Variants in SLC25A21 observed in about 807,000 individuals in gnomAD.
The protein encoded by SLC25A21 is mitochondrial 2-oxodicarboxylate carrier.
A neutral mutation model predicts 43.8 loss-of-function variants in SLC25A21; 47 were observed. That is an observed-to-expected ratio of 1.07 (90% CI 0.85 to 1.37). The LOEUF (loss-of-function observed/expected upper bound fraction) is 1.37. Ranked by LOEUF, SLC25A21 falls within the 40% of genes most tolerant of loss-of-function variation. The probability of loss-of-function intolerance (pLI) is 0.00; values close to 1 mark genes in which losing one functional copy is unlikely to be tolerated. For missense variants in SLC25A21, 352 were observed against 350.2 expected (o/e 1.00, Z -0.04); for synonymous variants, 131 against 121.3 (o/e 1.08, Z -0.52).
chr14:36,821,570 A>C (rs1052367458), intron 2 of SLC25A21, among the ~76,000 whole-genome samples: 5 of 152,142 alleles, frequency 3.3e-5, no homozygotes, highest in African/African-American at 1.2e-4. Context: ...TAATCCCACC[A>C]CTTTGGGAGG....
Position 36,734,558 on chromosome 14 carries a change from G to T in SLC25A21, c.219C>A (p.Tyr73Ter). 1 of 1,605,836 alleles carries T rather than the reference G, an allele frequency of 6.2e-7. No individual in the cohort carries two copies. Among genetic ancestry groups the T allele is most frequent in the Non-Finnish European group, 8.5e-7 (1 of 1,175,574 alleles). The change falls in exon 4 of 10, where the codon TAC (tyrosine) becomes TAA (stop). Residue 73 changes from tyrosine (Y) to a stop codon, truncating the protein, a stop_gained. Coordinates refer to ENST00000331299, the MANE Select transcript of SLC25A21 (RefSeq NM_030631.4). LOFTEE classifies it high-confidence loss of function. ...IFQMEGLFGF[Y>*]KGILPPILAE... ...CCAAGATAGGTGGCAGAATTCCCTT[G>T]TAAAAACCAAATAACCTGTTGGAGA...
chr14:36,904,155 T>C (rs1385652415), intron 1 of SLC25A21, among the ~76,000 whole-genome samples: 2 of 152,184 alleles, frequency 1.3e-5, no homozygotes, highest in Non-Finnish European at 2.9e-5. Flanking sequence ...GTGATGCGAT[T>C]GAGGGGGACG....
intron 1 of SLC25A21, among the ~76,000 whole-genome samples, chr14:36,998,432 G>A (rs914018363): frequency 1.3e-5 from 2 of 152,138 alleles, no homozygotes; most frequent in African/African-American, 4.8e-5. Flanking sequence ...GAATCATGAG[G>A]AATCATGACA....
rs146515420 is a variant in SLC25A21 at position 36,950,240 on chromosome 14, A to G, written c.71-75236T>C. Among the ~76,000 whole-genome samples, 105 of 152,302 alleles carry G rather than the reference A, an allele frequency of 6.9e-4. No homozygotes were observed. In the East Asian group the frequency reaches 0.015, roughly 22 times the overall value. ...ATTTTGTTCATTATTTATCCAATAA[A>G]CTTTGATTAGCTTGTTATGGATTGA... is the stretch of plus-strand genomic sequence containing the variant. On this transcript the variant is annotated intron_variant, in intron 1 of 9. Transcript: ENST00000331299.
chr14:36,903,256 T>C (rs1025874360), intron 1 of SLC25A21, among the ~76,000 whole-genome samples: 2 of 152,110 alleles, frequency 1.3e-5, no homozygotes, highest in African/African-American at 4.8e-5. Context: ...CAAGAGCCAT[T>C]TCATAGCTCG....
intron 1 of SLC25A21, among the ~76,000 whole-genome samples, chr14:37,103,297 T>C (rs1962852040): frequency 6.6e-6 from 1 of 152,144 alleles, no homozygotes. Flanking sequence ...TACACACAGA[T>C]GAGGTTTCTG....
chr14:37,103,051 C>T (rs1477144311), intron 1 of SLC25A21, among the ~76,000 whole-genome samples: 5 of 151,894 alleles, frequency 3.3e-5, no homozygotes, highest in African/African-American at 1.2e-4. Flanking sequence ...TCGTATCAAT[C>T]CCAGCAATAG....
intron 5 of SLC25A21, among the ~76,000 whole-genome samples, chr14:36,726,661 A>G (rs1444914646): frequency 6.6e-6 from 1 of 152,214 alleles, no homozygotes; most frequent in African/African-American, 2.4e-5. Flanking sequence ...TTTCCAGAAA[A>G]TCTGCATCAA....
At chr14:36,727,502 A>G (rs1884649205) in intron 5 of SLC25A21, among the ~76,000 whole-genome samples, 1 of 152,192 alleles carries the variant, frequency 6.6e-6, no homozygotes, top group South Asian at 2.1e-4. Flanking sequence ...AGCCTGGCCA[A>G]CATGGTGAAA....
chr14:36,884,167 C>T (rs529309173), intron 1 of SLC25A21, among the ~76,000 whole-genome samples: 1 of 152,140 alleles, frequency 6.6e-6, no homozygotes, highest in African/African-American at 2.4e-5. Context: ...CCTCTGGCAA[C>T]CTCCATTCTA....
intron 1 of SLC25A21, among the ~76,000 whole-genome samples, chr14:37,048,218 G>A (rs1042167352): frequency 2.6e-5 from 4 of 151,974 alleles, no homozygotes; most frequent in African/African-American, 4.8e-5. Context: ...AAAAAATGCC[G>A]CCTCCTGAGA....
chr14:37,062,929 G>A (rs1961979623), intron 1 of SLC25A21, among the ~76,000 whole-genome samples: 1 of 151,972 alleles, frequency 6.6e-6, no homozygotes, highest in Non-Finnish European at 1.5e-5. Context: ...CCCAAGACCG[G>A]GTAATTTATA....
chr14:36,969,598 C>T (rs1160833184), intron 1 of SLC25A21, among the ~76,000 whole-genome samples: 1 of 151,882 alleles, frequency 6.6e-6, no homozygotes, highest in Non-Finnish European at 1.5e-5. Context: ...AAATGATCCT[C>T]CCGCCTCAGC....
chr14:36,817,937 AATAG>A (rs2138454375), intron 2 of SLC25A21, among the ~76,000 whole-genome samples: 1 of 152,318 alleles, frequency 6.6e-6, no homozygotes, highest in East Asian at 1.9e-4. Context: ...TGTAGAACCA[AATAG>A]ATAATATTTC....
At chr14:36,808,850 T>A (rs760920268) in intron 3 of SLC25A21, 3 of 152,176 alleles carry the variant, frequency 2.0e-5, no homozygotes, top group Non-Finnish European at 4.4e-5. Context: ...TCTGTTTAAC[T>A]CCTATTTTTG....
intron 1 of SLC25A21, among the ~76,000 whole-genome samples, chr14:36,913,602 T>C (rs1243847133): frequency 4.6e-5 from 7 of 152,218 alleles, no homozygotes; most frequent in Admixed American, 3.9e-4. Flanking sequence ...AACGAGTTGT[T>C]TGAATAGATG....
intron 1 of SLC25A21, among the ~76,000 whole-genome samples, chr14:37,077,237 C>T (rs1344945727): frequency 6.6e-6 from 1 of 152,086 alleles, no homozygotes; most frequent in Non-Finnish European, 1.5e-5. Flanking sequence ...GCAAAATAAA[C>T]AGAAGACTTT....
intron 1 of SLC25A21, among the ~76,000 whole-genome samples, chr14:37,139,468 C>T (rs1963536017): frequency 6.6e-6 from 1 of 152,054 alleles, no homozygotes; most frequent in Non-Finnish European, 1.5e-5. Context: ...CAACATTATA[C>T]TCTTAAATTT....
chr14:36,724,531 TA>T (rs375085276), intron 6 of SLC25A21, among the ~76,000 whole-genome samples: 39 of 152,330 alleles, frequency 2.6e-4, no homozygotes, highest in African/African-American at 9.4e-4. Context: ...GGAATTAAAT[TA>T]AAAAGCTAAG....
Sources: gnomAD v4.1 joint callset for allele counts (sites outside exome capture counted in the v4.1 genomes callset) on GRCh38, gnomAD v4.1.1 for gene constraint, MANE v1.5 for transcripts, NCBI Gene and HGNC (gene_info 2026-07-23, HGNC 2026-07-21) for gene names.